The following COL13A1 variants were observed in gnomAD, a reference collection of about 807,000 sequenced individuals.
The protein encoded by COL13A1 is collagen type XIII alpha 1 chain.
COL13A1 carries 89 observed loss-of-function variants against 130.9 expected under a neutral mutation model. That is an observed-to-expected ratio of 0.68 (90% confidence interval 0.57 to 0.81). COL13A1 has a LOEUF of 0.81. Ranked by LOEUF, COL13A1 falls within the 30% of genes least tolerant of loss-of-function variation. The pLI, the probability that COL13A1 is intolerant of heterozygous loss-of-function variation, is 0.00. For missense variants in COL13A1, 879 were observed against 934.6 expected, an observed-to-expected ratio of 0.94 and a Z score of 0.78; for synonymous variants, 402 against 341.6, an observed-to-expected ratio of 1.18 and a Z score of -1.95.
intron 2 of COL13A1, among the ~76,000 whole-genome samples, chr10:69,867,368 T>C (rs2058627376): frequency 6.6e-6 from 1 of 152,230 alleles, no homozygotes; most frequent in African/African-American, 2.4e-5. Context: ...CTCCCTGACG[T>C]GCACAGTGAG....
intron 26 of COL13A1, among the ~76,000 whole-genome samples, chr10:69,926,659 T>C (rs17591282): frequency 0.068 from 10,300 of 152,206 alleles, 385 homozygotes; most frequent in Middle Eastern, 0.11. Context: ...TTTTGCTATA[T>C]TGTGTCTGTT....
At chr10:69,843,671 A>C (rs560550254) in intron 2 of COL13A1, among the ~76,000 whole-genome samples, 26 of 152,332 alleles carry the variant, frequency 1.7e-4, no homozygotes, top group African/African-American at 5.3e-4. Flanking sequence ...GGTGAGGATT[A>C]AATGAGATAA....
intron 2 of COL13A1, among the ~76,000 whole-genome samples, chr10:69,838,639 C>T (rs1850748087): frequency 6.6e-6 from 1 of 152,200 alleles, no homozygotes; most frequent in South Asian, 2.1e-4. Flanking sequence ...GGGGACCGGC[C>T]CTTGCCAGAG....
intron 28 of COL13A1, among the ~76,000 whole-genome samples, 165 bp downstream of exon 28, chr10:69,929,164 C>T (rs895773586): frequency 6.7e-6 from 1 of 149,758 alleles, no homozygotes; most frequent in Non-Finnish European, 1.5e-5. Flanking sequence ...TGCTGTGGCT[C>T]TTCTAGCCAA....
At chr10:69,823,130 C>T (rs1846536237) in intron 2 of COL13A1, among the ~76,000 whole-genome samples, 2 of 152,244 alleles carry the variant, frequency 1.3e-5, no homozygotes, top group Non-Finnish European at 2.9e-5. Flanking sequence ...TGTTCCTCAA[C>T]TGTGTCTATT....
At chr10:69,836,731 G>C (rs577672624) in intron 2 of COL13A1, among the ~76,000 whole-genome samples, 9 of 152,334 alleles carry the variant, frequency 5.9e-5, no homozygotes, top group East Asian at 3.9e-4. Flanking sequence ...TCCTTGGCAG[G>C]CTGGCTCCTC....
intron 2 of COL13A1, among the ~76,000 whole-genome samples, chr10:69,837,661 G>A (rs1189700822): frequency 6.6e-6 from 1 of 152,192 alleles, no homozygotes; most frequent in African/African-American, 2.4e-5. Flanking sequence ...TGTGGAGGGT[G>A]GCAGAATCCC....
intron 17 of COL13A1, among the ~76,000 whole-genome samples, chr10:69,912,989 C>T (rs2063542695): frequency 6.6e-6 from 1 of 152,206 alleles, no homozygotes; most frequent in Admixed American, 6.5e-5. Flanking sequence ...TGCTCAGGTG[C>T]AGTGCCCAGC....
chr10:69,837,348 C>A (rs1216782074), intron 2 of COL13A1, among the ~76,000 whole-genome samples: 1 of 152,188 alleles, frequency 6.6e-6, no homozygotes, highest in Non-Finnish European at 1.5e-5. Context: ...ATTCTTTGCT[C>A]ATTGGCACTC....
At chr10:69,859,349 T>C (rs1471239900) in intron 2 of COL13A1, among the ~76,000 whole-genome samples, 1 of 152,220 alleles carries the variant, frequency 6.6e-6, no homozygotes, top group African/African-American at 2.4e-5. Context: ...ACAGGCCTGG[T>C]TGTCAAAGCA....
At chr10:69,818,800 C>T (rs1342177985) in intron 1 of COL13A1, among the ~76,000 whole-genome samples, 1 of 152,240 alleles carries the variant, frequency 6.6e-6, no homozygotes, top group African/African-American at 2.4e-5. Flanking sequence ...AGGCCCTCAA[C>T]AGATCAGATA....
At chr10:69,927,536 T>A (rs2065532897) in intron 27 of COL13A1, among the ~76,000 whole-genome samples, 1 of 152,150 alleles carries the variant, frequency 6.6e-6, no homozygotes, top group Non-Finnish European at 1.5e-5. Flanking sequence ...TGGAAATCAG[T>A]TTCATTATCT....
chr10:69,847,361 C>T lies in COL13A1; in HGVS notation c.365-20437C>T, dbSNP rs532958462. Among the ~76,000 whole-genome samples the T allele has an allele frequency of 1.1e-4, 17 of 152,316 alleles. No individual in the cohort carries two copies. In the East Asian group the frequency reaches 3.1e-3, roughly 28 times the overall value. On this transcript the variant is annotated intron_variant, in intron 2 of 40. Coordinates refer to ENST00000645393, the MANE Select transcript of COL13A1 (RefSeq NM_001368882.1). Reference sequence around the variant, plus strand: ...CTCCAAAACACACATTTCTGAACTGCTCACACAGGTACACAAATTAGATAA... The same window carrying T: ...CTCCAAAACACACATTTCTGAACTGTTCACACAGGTACACAAATTAGATAA...
At chr10:69,813,422 C>A (rs990400992) in intron 1 of COL13A1, among the ~76,000 whole-genome samples, 2 of 152,156 alleles carry the variant, frequency 1.3e-5, no homozygotes, top group Non-Finnish European at 2.9e-5. Context: ...CTGTCCCTGA[C>A]TTTTTTCCTG....
intron 38 of COL13A1, among the ~76,000 whole-genome samples, chr10:69,950,446 A>G (rs78661263): frequency 0.012 from 1,857 of 152,250 alleles, 30 homozygotes; most frequent in South Asian, 0.067. Flanking sequence ...GGAACACGCC[A>G]ACCCTCTGTT....
At position 69,802,434 on chromosome 10, in the gene COL13A1, A is replaced by G; in HGVS notation, c.11A>G (p.Glu4Gly). The change falls in exon 1 of 41, where the codon GAG becomes GGG. Residue 4 changes from glutamate (E) to glycine (G), a missense_variant. Glu to Gly is a moderately conservative substitution (Grantham distance 98, BLOSUM62 -2). Coordinates refer to ENST00000645393, the MANE Select transcript of COL13A1 (RefSeq NM_001368882.1). ...TCAAGACGCGAGAGGATGGTAGCGG[A>G]GCGCACCCACAAAGCGGCAGCCACC... MVA[E>G]RTHKAAATGA... 2 of 1,499,806 alleles carry G rather than the reference A, an allele frequency of 1.3e-6. No homozygotes were observed. Among genetic ancestry groups the G allele is most frequent in the Non-Finnish European group, 1.8e-6 (2 of 1,130,398 alleles). The allele number at this position is 1,499,806 out of a possible 1,614,324, so 92.9% of individuals were successfully genotyped here.
intron 14 of COL13A1, among the ~76,000 whole-genome samples, chr10:69,902,304 A>G (rs1463427790): frequency 3.3e-5 from 5 of 152,308 alleles, no homozygotes; most frequent in Non-Finnish European, 7.4e-5. Context: ...AACGAGGGCT[A>G]TTGTTCCCAT....
intron 31 of COL13A1, 98 bp downstream of exon 31, chr10:69,932,702 T>C (rs2066286175): frequency 1.2e-6 from 1 of 801,176 alleles, no homozygotes; most frequent in South Asian, 1.5e-5. Context: ...AACTGCCTGA[T>C]GTTTACGTTT....
chr10:69,831,247 T>C (rs574586973), intron 2 of COL13A1, among the ~76,000 whole-genome samples: 13 of 152,206 alleles, frequency 8.5e-5, no homozygotes, highest in Non-Finnish European at 1.9e-4. Context: ...CAGCCACCTG[T>C]GGGCTGGCAG....
Sources: gnomAD v4.1 joint callset for allele counts (sites outside exome capture counted in the v4.1 genomes callset) on GRCh38, gnomAD v4.1.1 for gene constraint, MANE v1.5 for transcripts, NCBI Gene and HGNC (gene_info 2026-07-23, HGNC 2026-07-21) for gene names.